The following ETF1 variants were observed in gnomAD, a reference collection of about 807,000 sequenced individuals.
ETF1 encodes the protein eukaryotic peptide chain release factor subunit 1.
ETF1 carries 4 observed loss-of-function variants against 55.1 expected under a neutral mutation model. That is an observed-to-expected ratio of 0.07 (90% confidence interval 0.04 to 0.17). ETF1 has a LOEUF of 0.17. ETF1 is among the 10% of genes least tolerant of loss of function. ETF1 has a pLI of 1.00. For synonymous variants in ETF1, 157 were observed against 182.3 expected, an observed-to-expected ratio of 0.86 and a Z score of 1.12; for missense variants, 142 against 523.6, an observed-to-expected ratio of 0.27 and a Z score of 7.11.
chr5:138,529,380 A>G (rs1025488602), intron 2 of ETF1, among the ~76,000 whole-genome samples: 10 of 152,184 alleles, frequency 6.6e-5, no homozygotes, highest in African/African-American at 2.4e-4. Context: ...AGCTCTCACT[A>G]AGGAGATGCT....
chr5:138,522,011 C>T (rs750176943), intron 2 of ETF1, among the ~76,000 whole-genome samples: 8 of 152,028 alleles, frequency 5.3e-5, no homozygotes, highest in Non-Finnish European at 7.4e-5. Context: ...CATGGATAAA[C>T]GACTATTTAA....
intron 2 of ETF1, among the ~76,000 whole-genome samples, chr5:138,527,021 T>C (rs938938673): frequency 6.6e-6 from 1 of 152,054 alleles, no homozygotes; most frequent in Admixed American, 6.6e-5. Context: ...GTATTTTTAG[T>C]AGAGATGTGG....
intron 2 of ETF1, among the ~76,000 whole-genome samples, chr5:138,530,861 G>A (rs545242604): frequency 3.9e-5 from 6 of 152,280 alleles, no homozygotes; most frequent in South Asian, 2.1e-4. Flanking sequence ...GACTGTGCCC[G>A]GCCTCAAATA....
Position 138,513,528 on chromosome 5 carries a change from G to A in ETF1, c.541+40C>T, listed in dbSNP as rs199800503. ...CCACCATACTGTTTTCTTATTGCTA[G>A]ACACAAAGTAAGTGGGTTCATGTTC... On this transcript the variant is annotated intron_variant, in intron 5 of 10. Transcript: ENST00000360541. 6 of 1,517,690 alleles carry A rather than the reference G, an allele frequency of 4.0e-6. No homozygotes were observed. In the Admixed American group the frequency reaches 1.0e-4, roughly 26 times the overall value. The allele number at this position is 1,517,690 out of a possible 1,614,324, so 94.0% of individuals were successfully genotyped here.
At position 138,541,418 on chromosome 5, in the gene ETF1, T is replaced by G. The variant is rs1050725223; in HGVS notation, c.86+1415A>C. 32 of 763,748 alleles carry G rather than the reference T, an allele frequency of 4.2e-5. No individual in the cohort carries two copies. The African/African-American group carries it at 5.6e-4, about 13-fold the overall frequency. The allele number at this position is 763,748 out of a possible 1,614,324, so 47.3% of individuals were successfully genotyped here. ...ACGTTTCTCCAGTAAACCGAAGGAG[T>G]GAGCACAAGCCCGTCACTGAATGGG... On this transcript the variant is annotated intron_variant, in intron 2 of 10. Coordinates refer to ENST00000360541, the MANE Select transcript of ETF1 (RefSeq NM_004730.4).
At chr5:138,535,587 G>A (rs1580719479) in intron 2 of ETF1, among the ~76,000 whole-genome samples, 1 of 151,812 alleles carries the variant, frequency 6.6e-6, no homozygotes, top group South Asian at 2.1e-4. Flanking sequence ...CGGCTGTGGT[G>A]GCGGGTGCCT....
rs531349396 is a variant in ETF1 at position 138,524,822 on chromosome 5, C to T, written c.87-5955G>A. 2.3e-4 allele frequency among the ~76,000 whole-genome samples: 35 copies of T among 151,966 alleles called. No individual in the cohort carries two copies. The East Asian group carries it at 4.3e-3, about 19-fold the overall frequency. On this transcript the variant is annotated intron_variant, in intron 2 of 10. Coordinates refer to ENST00000360541, the MANE Select transcript of ETF1 (RefSeq NM_004730.4). ...TGATCTCCTGACTTCATGATCCGCC[C>T]GCCTTGGCCTCCCAAAGTGCTGGGA...
chr5:138,535,448 G>A (rs557441745), intron 2 of ETF1, among the ~76,000 whole-genome samples: 77 of 151,644 alleles, frequency 5.1e-4, no homozygotes, highest in Non-Finnish European at 1.0e-3. Context: ...GGCCAGGCGC[G>A]GTGGCTCACG....
chr5:138,508,593 C>T (rs1764644231), intron 10 of ETF1, 76 bp downstream of exon 10: 1 of 1,581,038 alleles, frequency 6.3e-7, no homozygotes, highest in East Asian at 2.2e-5. Context: ...TCACCGGAAG[C>T]AGGGCTAGGG....
chr5:138,538,224 C>CT (rs1258637701), intron 2 of ETF1, among the ~76,000 whole-genome samples: 1 of 141,788 alleles, frequency 7.1e-6, no homozygotes, highest in African/African-American at 2.7e-5. Context: ...GAGTTTCACT[C>CT]TGTTGCCCAG....
At position 138,530,204 on chromosome 5, in the gene ETF1, A is replaced by G. The variant is rs551069898; in HGVS notation, c.87-11337T>C. 5.3e-5 allele frequency among the ~76,000 whole-genome samples: 8 copies of G among 152,216 alleles called. No individual in the cohort carries two copies. The East Asian group carries it at 1.5e-3, about 29-fold the overall frequency. On this transcript the variant is annotated intron_variant, in intron 2 of 10. Transcript: ENST00000360541. ...AAAGATCCCTTCTTCCTCCATCCTG[A>G]CTCAATAGTTTCTGAATAGGGAGAG... is the stretch of plus-strand genomic sequence containing the variant.
rs3087740 is a variant in ETF1, at chr5:138,507,704, G to A, written c.*601C>T. On this transcript the variant is annotated 3_prime_UTR_variant, in exon 11 of 11. Coordinates refer to ENST00000360541, the MANE Select transcript of ETF1 (RefSeq NM_004730.4). The stretch of plus-strand genomic sequence containing the variant: ...TGAAACTGCCAGTCTGGAGGGGGAC[G>A]GGGTAGCGTGAGGGAGTGAAGTTGA... 3.3e-5 allele frequency: 5 copies of A among 152,740 alleles called. No homozygotes were observed. The highest frequency in any genetic ancestry group is 1.2e-4 in the African/African-American group (5 of 41,454). The allele number at this position is 152,740 out of a possible 1,614,324, so 9.5% of individuals were successfully genotyped here.
At position 138,506,409 on chromosome 5, in the gene ETF1, AAAC is replaced by A. The variant is rs1764559478; in HGVS notation, c.*1893_*1895del. The A allele has an allele frequency of 1.3e-5, 2 of 152,682 alleles. No individual in the cohort carries two copies. Among genetic ancestry groups the A allele is most frequent in the Admixed American group, 1.3e-4 (2 of 15,282 alleles). The allele number at this position is 152,682 out of a possible 1,614,324, so 9.5% of individuals were successfully genotyped here. A position where few individuals can be genotyped will look rare whatever the true frequency, so the allele number is the denominator to read the frequency against. ...CTGCATACCCTAAATGTATCATGTG[AAAC>A]AACAAGCATATTCAAAAATGTAAAT... On this transcript the variant is annotated 3_prime_UTR_variant, in exon 11 of 11. Transcript: ENST00000360541.
At chr5:138,511,389 T>TACATACACACACAC (rs1554137315) in intron 7 of ETF1, 86 bp downstream of exon 7, 3 of 1,412,118 alleles carry the variant, frequency 2.1e-6, no homozygotes, top group African/African-American at 1.8e-5. Flanking sequence ...ATCACGTACA[T>TACATACACACACAC]ACACACACAC....
At chr5:138,517,518 A>G in intron 4 of ETF1, 43 bp downstream of exon 4, 2 of 1,324,918 alleles carry the variant, frequency 1.5e-6, no homozygotes, top group Non-Finnish European at 1.0e-6. Context: ...GTACGGGGAA[A>G]GAATTCTGGA....
intron 2 of ETF1, chr5:138,541,424 C>A: frequency 1.2e-6 from 1 of 825,498 alleles, no homozygotes. Flanking sequence ...GGAGTGAGCA[C>A]AAGCCCGTCA....
At chr5:138,513,421 G>C (rs1345589949) in intron 5 of ETF1, 147 bp downstream of exon 5, 1 of 783,370 alleles carries the variant, frequency 1.3e-6, no homozygotes. Context: ...GGCCGGGCTG[G>C]TCTCGAACTT....
intron 4 of ETF1, among the ~76,000 whole-genome samples, chr5:138,514,712 G>A (rs989110034): frequency 1.3e-5 from 2 of 152,072 alleles, no homozygotes; most frequent in Non-Finnish European, 2.9e-5. Context: ...TTACAGGCAT[G>A]AGCCAGCATG....
At chr5:138,532,657 T>C (rs915090300) in intron 2 of ETF1, among the ~76,000 whole-genome samples, 12 of 152,220 alleles carry the variant, frequency 7.9e-5, no homozygotes, top group African/African-American at 2.7e-4. Context: ...TGATTTTTTG[T>C]AGCAGATGAT....
Sources: gnomAD v4.1 joint callset for allele counts (sites outside exome capture counted in the v4.1 genomes callset) on GRCh38, gnomAD v4.1.1 for gene constraint, MANE v1.5 for transcripts, NCBI Gene and HGNC (gene_info 2026-07-23, HGNC 2026-07-21) for gene names.